The following CACNA1C variants were observed in gnomAD, a reference collection of about 807,000 sequenced individuals.
CACNA1C encodes the protein voltage-dependent L-type calcium channel subunit alpha-1C.
In CACNA1C, 30 loss-of-function variants were observed where a neutral mutation model predicts 229.0. That is an observed-to-expected ratio of 0.13 (90% CI 0.10 to 0.18). CACNA1C has a LOEUF of 0.18. Ranked by LOEUF, CACNA1C falls within the 10% of genes least tolerant of loss-of-function variation. The pLI, the probability that CACNA1C is intolerant of heterozygous loss-of-function variation, is 1.00. For missense variants in CACNA1C, 1,658 were observed against 2,845.0 expected (o/e 0.58, Z 9.49); for synonymous variants, 1,114 against 1,132.5 (o/e 0.98, Z 0.33).
chr12:2,149,614 T>C (rs1053006203), intron 3 of CACNA1C, among the ~76,000 whole-genome samples: 5 of 152,230 alleles, frequency 3.3e-5, no homozygotes, highest in African/African-American at 9.6e-5. Context: ...CTGTCTGCCC[T>C]ATCAGAGAAC....
chr12:2,280,978 A>G (rs534848220), intron 3 of CACNA1C, among the ~76,000 whole-genome samples: 12 of 152,134 alleles, frequency 7.9e-5, no homozygotes, highest in African/African-American at 2.9e-4. Context: ...TTTTTTTATT[A>G]TACTTTAAGT....
intron 5 of CACNA1C, among the ~76,000 whole-genome samples, chr12:2,483,766 T>C (rs1485901122): frequency 6.6e-6 from 1 of 152,094 alleles, no homozygotes; most frequent in Non-Finnish European, 1.5e-5. Context: ...GGAATTCTTA[T>C]GGCATCTCTG....
chr12:2,268,591 A>C (rs934554544), intron 3 of CACNA1C, among the ~76,000 whole-genome samples: 1 of 152,122 alleles, frequency 6.6e-6, no homozygotes, highest in Non-Finnish European at 1.5e-5. Context: ...GCGAGGGAAC[A>C]GTTGGACCTG....
intron 3 of CACNA1C, among the ~76,000 whole-genome samples, chr12:2,436,976 T>A (rs1348136832): frequency 6.6e-6 from 1 of 152,218 alleles, no homozygotes; most frequent in African/African-American, 2.4e-5. Flanking sequence ...GTTCCAGACT[T>A]CACATATAGA....
chr12:2,196,848 A>C (rs1186266983), intron 3 of CACNA1C, among the ~76,000 whole-genome samples: 1 of 152,206 alleles, frequency 6.6e-6, no homozygotes, highest in Non-Finnish European at 1.5e-5. Flanking sequence ...GTGTGCAGCC[A>C]CACGACCTCC....
At chr12:2,278,289 A>G (rs1046285015) in intron 3 of CACNA1C, among the ~76,000 whole-genome samples, 1 of 152,224 alleles carries the variant, frequency 6.6e-6, no homozygotes, top group African/African-American at 2.4e-5. Flanking sequence ...CATATAACAA[A>G]CTGCACATAT....
chr12:2,439,798 C>G (rs533319056), intron 3 of CACNA1C, among the ~76,000 whole-genome samples: 1 of 152,180 alleles, frequency 6.6e-6, no homozygotes, highest in Admixed American at 6.5e-5. Context: ...GCTGCTTGCC[C>G]TCAATAAATA....
chr12:2,005,849 A>C lies in CACNA1C; in HGVS notation c.139+34648A>C, dbSNP rs185839651. On this transcript the variant is annotated intron_variant, in intron 1 of 46. Coordinates refer to the CACNA1C transcript ENST00000682462. ...AAGTTAATAGGATTTCAGATAGTACATTGCAGCTAAGCTTTGAGAAACTCC... is the reference window on the plus strand; with the variant it reads ...AAGTTAATAGGATTTCAGATAGTACCTTGCAGCTAAGCTTTGAGAAACTCC... Among the ~76,000 whole-genome samples the C allele has an allele frequency of 9.2e-5, 14 of 152,338 alleles. 1 individual carries two copies. The highest frequency in any genetic ancestry group is 9.1e-4 in the Admixed American group (14 of 15,308).
chr12:2,229,713 G>A (rs1049708178), intron 3 of CACNA1C, among the ~76,000 whole-genome samples: 3 of 152,170 alleles, frequency 2.0e-5, no homozygotes, highest in African/African-American at 4.8e-5. Context: ...CGAGAGGAAC[G>A]CATTCCAGGC....
chr12:2,442,311 A>G (rs2099236555), intron 3 of CACNA1C, among the ~76,000 whole-genome samples: 1 of 152,202 alleles, frequency 6.6e-6, no homozygotes, highest in African/African-American at 2.4e-5. Context: ...CTCTCTCTCC[A>G]CTGACCTCTT....
At chr12:2,629,809 G>A (rs537674289) in intron 29 of CACNA1C, among the ~76,000 whole-genome samples, 33 of 152,366 alleles carry the variant, frequency 2.2e-4, no homozygotes, top group African/African-American at 7.7e-4. Context: ...TTTTGCAGCA[G>A]TTGTTCCTTC....
rs114913148 is a variant in CACNA1C, at chr12:2,632,818, G to T, written c.3829-1479G>T. 6.8e-3 allele frequency among the ~76,000 whole-genome samples: 1,030 copies of T among 152,228 alleles called. 14 individuals carry two copies. Among genetic ancestry groups the T allele is most frequent in the African/African-American group, 0.024 (993 of 41,532 alleles). On this transcript the variant is annotated intron_variant, in intron 29 of 46. Transcript: ENST00000399655. This position sits in a 1 kb window ranked among gnomAD's most constrained non-coding sequence, Gnocchi z 4.1. The stretch of plus-strand genomic sequence containing the variant: ...CCTCCAAATGACCATGAAAGAACCT[G>T]GGGAGGGGCTTAGAAAGCCTCAGAA...
intron 3 of CACNA1C, among the ~76,000 whole-genome samples, chr12:2,245,903 G>A (rs2072974398): frequency 6.6e-6 from 1 of 152,176 alleles, no homozygotes; most frequent in Admixed American, 6.5e-5. Context: ...TCTGAATTCT[G>A]AAATGCATTT....
rs556220706 is a variant in CACNA1C at position 2,605,854 on chromosome 12, G to A, written c.3156+68G>A. ...ATCAGCATTCCTGGGGAAGGGAACT[G>A]GCAGATATAGTACAAACGAGACAGT... On this transcript the variant is annotated intron_variant, in intron 24 of 46. Transcript: ENST00000399655. This position sits in a 1 kb window ranked among gnomAD's most constrained non-coding sequence, Gnocchi z 6.2. 10 of 1,075,120 alleles carry A rather than the reference G, an allele frequency of 9.3e-6. No homozygotes were observed. In the African/African-American group the frequency reaches 1.2e-4, roughly 13 times the overall value. The allele number at this position is 1,075,120 out of a possible 1,614,324, so 66.6% of individuals were successfully genotyped here.
At chr12:2,102,019 C>G (rs555249759) in intron 1 of CACNA1C, among the ~76,000 whole-genome samples, 3 of 152,292 alleles carry the variant, frequency 2.0e-5, no homozygotes, top group Admixed American at 2.0e-4. Flanking sequence ...TGGTAGTGTG[C>G]ACATACCACA....
rs201392838 is a variant in CACNA1C, at chr12:2,043,449, C to T, written c.140-71775C>T. On this transcript the variant is annotated intron_variant, in intron 1 of 46. Coordinates refer to the CACNA1C transcript ENST00000682462. ...CTTCTCTATCTTGCAGCTGTACCAT[C>T]TGGATAATGTGGCAGGAGAGGGGAG... is the stretch of plus-strand genomic sequence containing the variant. Among the ~76,000 whole-genome samples, 3 of 152,230 alleles carry T rather than the reference C, an allele frequency of 2.0e-5. No individual in the cohort carries two copies. In the East Asian group the frequency reaches 5.8e-4, roughly 29 times the overall value.
chr12:2,256,158 T>A (rs1408250926), intron 3 of CACNA1C, among the ~76,000 whole-genome samples: 1 of 149,802 alleles, frequency 6.7e-6, no homozygotes, highest in African/African-American at 2.5e-5. Context: ...TAAATGCAAA[T>A]TCCTGTGCCT....
chr12:2,557,465 C>T (rs761015197), intron 11 of CACNA1C, among the ~76,000 whole-genome samples: 34 of 152,214 alleles, frequency 2.2e-4, no homozygotes, highest in Non-Finnish European at 1.9e-4. Flanking sequence ...CTCCCAGCCT[C>T]ACTTCCTGCA....
chr12:2,177,587 C>CCCTCCTTCCTTCCTTCCTT (rs750852324), intron 3 of CACNA1C, among the ~76,000 whole-genome samples: 2 of 78,524 alleles, frequency 2.5e-5, no homozygotes, highest in East Asian at 4.5e-4. Context: ...CTCCCTCCCT[C>CCCTCCTTCCTTCCTTCCTT]CCTTCCTTCC....
Sources: gnomAD v4.1 joint callset for allele counts (sites outside exome capture counted in the v4.1 genomes callset) on GRCh38, gnomAD v4.1.1 for gene constraint, Gnocchi (gnomAD v3.1) non-coding constraint, MANE v1.5 for transcripts, NCBI Gene and HGNC (gene_info 2026-07-23, HGNC 2026-07-21) for gene names.